Variants in CTNNB1 observed in about 807,000 individuals in gnomAD.
CTNNB1 encodes the protein catenin beta 1, also known as catenin beta-1.
A neutral mutation model predicts 82.5 loss-of-function variants in CTNNB1; 6 were observed. That is an observed-to-expected ratio of 0.07 (90% CI 0.04 to 0.14). The LOEUF (loss-of-function observed/expected upper bound fraction) is 0.14, where lower values mean the gene tolerates loss of function less well. Ranked by LOEUF, CTNNB1 falls within the 10% of genes least tolerant of loss-of-function variation. CTNNB1 has a pLI of 1.00. For synonymous variants in CTNNB1, 312 were observed against 329.7 expected, an observed-to-expected ratio of 0.95 and a Z score of 0.58; for missense variants, 529 against 980.4, an observed-to-expected ratio of 0.54 and a Z score of 6.15.
In CTNNB1 at chr3:41,229,236, T is replaced by C. The variant is rs375724868; in HGVS notation, c.1081+1884T>C. ...TTTTTAAATAGTTTTTTTTTAATTATGTGAAGAATGCCATTGGTAGTTTGG... is the reference window on the plus strand; with the variant it reads ...TTTTTAAATAGTTTTTTTTTAATTACGTGAAGAATGCCATTGGTAGTTTGG... On this transcript the variant is annotated intron_variant, in intron 7 of 14. Transcript: ENST00000349496. 2.6e-5 allele frequency among the ~76,000 whole-genome samples: 4 copies of C among 152,318 alleles called. No individual in the cohort carries two copies. The East Asian group carries it at 5.8e-4, about 22-fold the overall frequency.
At chr3:41,216,924 CT>C (rs991083241) in intron 1 of CTNNB1, among the ~76,000 whole-genome samples, 1 of 152,048 alleles carries the variant, frequency 6.6e-6, no homozygotes, top group African/African-American at 2.4e-5. Flanking sequence ...CAGTAACCTC[CT>C]AAATGGTGTT....
At chr3:41,200,598 A>T (rs913124848) in intron 1 of CTNNB1, among the ~76,000 whole-genome samples, 5 of 152,224 alleles carry the variant, frequency 3.3e-5, no homozygotes, top group Admixed American at 3.3e-4. Flanking sequence ...TGGCAGCTAA[A>T]ATTGAATTAT....
At chr3:41,208,935 C>T (rs186215693) in intron 1 of CTNNB1, among the ~76,000 whole-genome samples, 366 of 152,290 alleles carry the variant, frequency 2.4e-3, no homozygotes, top group African/African-American at 8.5e-3. Context: ...TTCTCTTTCC[C>T]GCAAAATAAC....
intron 1 of CTNNB1, chr3:41,222,405 CTCTA>C (rs1195980257): frequency 6.6e-6 from 1 of 152,188 alleles, no homozygotes; most frequent in Non-Finnish European, 1.5e-5. Flanking sequence ...GTTTTTACTT[CTCTA>C]TCTACTGATA....
At chr3:41,235,578 G>C (rs2078414895) in intron 10 of CTNNB1, 146 bp from the exon 11 acceptor site, 3 of 1,067,070 alleles carry the variant, frequency 2.8e-6, no homozygotes, top group Non-Finnish European at 4.2e-6. Flanking sequence ...TGACATTCAA[G>C]TTAATGGAAT....
intron 7 of CTNNB1, among the ~76,000 whole-genome samples, chr3:41,227,988 C>T (rs1050723114): frequency 3.9e-5 from 6 of 152,108 alleles, no homozygotes; most frequent in Admixed American, 6.6e-5. Context: ...GTTTTCTATT[C>T]CTATGTTAGT....
At chr3:41,233,889 T>A in intron 9 of CTNNB1, 22 bp downstream of exon 9, 2 of 1,611,034 alleles carry the variant, frequency 1.2e-6, no homozygotes, top group Non-Finnish European at 8.5e-7. Flanking sequence ...AAGTAGAATT[T>A]ACCTTTGTTG....
At position 41,225,835 on chromosome 3, in the gene CTNNB1, T is replaced by C. The variant is rs1187302576; in HGVS notation, c.910T>C (p.Leu304=). Residue 304 remains leucine (L), a synonymous_variant, in exon 6 of 15, where the codon TTA becomes CTA. Transcript: ENST00000349496. This position sits in a 1 kb window ranked among gnomAD's most constrained non-coding sequence, Gnocchi z 5.3. ...TATTACGACAGACTGCCTTCAAATT[T>C]TAGCTTATGGCAACCAAGAAAGCAA... is the stretch of plus-strand genomic sequence containing the variant. ...LAITTDCLQI[L]AYGNQESKLI... is the part of the protein sequence containing the mutation. 3.1e-6 allele frequency: 5 copies of C among 1,613,718 alleles called. No individual in the cohort carries two copies. The African/African-American group carries it at 6.7e-5, about 22-fold the overall frequency.
At chr3:41,211,100 C>T (rs2077774286) in intron 1 of CTNNB1, 2 of 456,190 alleles carry the variant, frequency 4.4e-6, no homozygotes, top group South Asian at 1.6e-5. Flanking sequence ...GCCCACTGTA[C>T]TTTTATACAA....
chr3:41,235,520 G>T, intron 10 of CTNNB1: 2 of 647,716 alleles, frequency 3.1e-6, no homozygotes, highest in Admixed American at 2.2e-5. Context: ...CTGTGTATGG[G>T]GGAGGGGTGC....
intron 11 of CTNNB1, 136 bp from the exon 12 acceptor site, chr3:41,236,213 T>C: frequency 1.8e-6 from 2 of 1,105,204 alleles, no homozygotes; most frequent in Non-Finnish European, 2.8e-6. Context: ...CCCCAAGACA[T>C]AAAATTCAGA....
intron 1 of CTNNB1, among the ~76,000 whole-genome samples, chr3:41,205,899 A>G (rs1031461835): frequency 2.0e-5 from 3 of 152,154 alleles, no homozygotes; most frequent in South Asian, 2.1e-4. Flanking sequence ...CTATCCCACA[A>G]TCTCCATGAG....
intron 1 of CTNNB1, among the ~76,000 whole-genome samples, chr3:41,206,895 A>G (rs988468078): frequency 3.3e-5 from 5 of 152,220 alleles, no homozygotes; most frequent in Admixed American, 2.6e-4. Context: ...CTTATACTTT[A>G]TAGTTCATTT....
At position 41,233,462 on chromosome 3, in the gene CTNNB1, T is replaced by TTTTA; in HGVS notation, c.1185+18_1185+19insTTTA. 1 of 1,613,734 alleles carries TTTTA rather than the reference T, an allele frequency of 6.2e-7. No homozygotes were observed. The highest frequency in any genetic ancestry group is 1.1e-5 in the South Asian group (1 of 91,068). On this transcript the variant is annotated intron_variant, in intron 8 of 14. Transcript: ENST00000349496. ...CTAAACAGGTAAATTCTGAGTAAAC[T>TTTTA]GGTGCCATGGGAATAGAGTCAAGAT...
intron 1 of CTNNB1, among the ~76,000 whole-genome samples, chr3:41,208,585 CTTCTATACAGCTGAA>C (rs1437762759): frequency 2.6e-5 from 4 of 152,228 alleles, no homozygotes; most frequent in Admixed American, 1.3e-4. Context: ...CTCACCCTCA[CTTCTATACAGCTGAA>C]GTTTCATACT....
At chr3:41,219,432 C>G (rs2077990977) in intron 1 of CTNNB1, among the ~76,000 whole-genome samples, 1 of 152,210 alleles carries the variant, frequency 6.6e-6, no homozygotes, top group South Asian at 2.1e-4. Context: ...ATATCAATGA[C>G]TATCAAGGGG....
intron 6 of CTNNB1, 67 bp from the exon 7 acceptor site, chr3:41,227,141 T>C (rs2125627151): frequency 7.5e-7 from 1 of 1,330,898 alleles, no homozygotes; most frequent in Non-Finnish European, 1.1e-6. Context: ...AGGTTGGTAA[T>C]ATGGCTCTTC....
rs1415911207 is a variant in CTNNB1, at chr3:41,225,303, C to G, written c.496-31C>G. The G allele has an allele frequency of 5.0e-6, 8 of 1,613,700 alleles. No homozygotes were observed. The highest frequency in any genetic ancestry group is 3.3e-5 in the Admixed American group (2 of 59,930). On this transcript the variant is annotated intron_variant, in intron 4 of 14. Coordinates refer to ENST00000349496, the MANE Select transcript of CTNNB1 (RefSeq NM_001904.4). The surrounding 1 kb of genome is among the most constrained non-coding windows in gnomAD (Gnocchi z 5.3). ...TCTACCCAATACCAGTACTTGAAAA[C>G]TAACGATGTTTCTGAATTCCTGTAT...
rs550931637 is a variant in CTNNB1, at chr3:41,205,460, T to C, written c.-49+5790T>C. ...CTGTAGTACCAGCACTTTGGGAGGC[T>C]GGGGAGGGTGGATCACCTGAGGTCA... On this transcript the variant is annotated intron_variant, in intron 1 of 14. Transcript: ENST00000349496. 2.4e-4 allele frequency among the ~76,000 whole-genome samples: 37 copies of C among 151,902 alleles called. No homozygotes were observed. The East Asian group carries it at 6.2e-3, about 25-fold the overall frequency.
Sources: allele counts gnomAD v4.1 joint callset (sites outside exome capture counted in the v4.1 genomes callset), GRCh38; gene constraint gnomAD v4.1.1; non-coding constraint Gnocchi (gnomAD v3.1); transcripts MANE v1.5; gene names NCBI Gene and HGNC (gene_info 2026-07-23, HGNC 2026-07-21).